The following LHFPL6 variants were observed in gnomAD, a reference collection of about 807,000 sequenced individuals.
The protein encoded by LHFPL6 is LHFPL tetraspan subfamily member 6.
In LHFPL6, 9 loss-of-function variants were observed where a neutral mutation model predicts 20.6. That is an observed-to-expected ratio of 0.44 (90% CI 0.26 to 0.76). The LOEUF is 0.76. LHFPL6 is among the 30% of genes least tolerant of loss of function. The pLI is 0.20. For synonymous variants in LHFPL6, 105 were observed against 98.7 expected, an observed-to-expected ratio of 1.06 and a Z score of -0.38; for missense variants, 218 against 253.5, an observed-to-expected ratio of 0.86 and a Z score of 0.95.
At chr13:39,369,592 T>TTCCCTCCCTCCC (rs1566095649) in intron 3 of LHFPL6, among the ~76,000 whole-genome samples, 22 of 147,818 alleles carry the variant, frequency 1.5e-4, no homozygotes, top group Admixed American at 2.0e-4. Flanking sequence ...CCTTCCTTCC[T>TTCCCTCCCTCCC]TCCTTCCTCC....
At chr13:39,423,760 T>C (rs1261821615) in intron 2 of LHFPL6, among the ~76,000 whole-genome samples, 1 of 152,200 alleles carries the variant, frequency 6.6e-6, no homozygotes, top group African/African-American at 2.4e-5. Flanking sequence ...GCAAGTGAGA[T>C]AAAGTAGTGC....
chr13:39,470,234 T>A (rs1872908221), intron 2 of LHFPL6, among the ~76,000 whole-genome samples: 1 of 152,204 alleles, frequency 6.6e-6, no homozygotes, highest in Non-Finnish European at 1.5e-5. Flanking sequence ...ATATAATATT[T>A]TGTGCTGGAT....
intron 2 of LHFPL6, among the ~76,000 whole-genome samples, chr13:39,526,516 A>T (rs1168965312): frequency 6.6e-6 from 1 of 152,236 alleles, no homozygotes; most frequent in African/African-American, 2.4e-5. Flanking sequence ...TCTACACCTA[A>T]CAAAATGAAG....
chr13:39,507,212 G>A (rs116232388), intron 2 of LHFPL6, among the ~76,000 whole-genome samples: 8 of 152,202 alleles, frequency 5.3e-5, no homozygotes, highest in East Asian at 1.9e-4. Flanking sequence ...TCTCCATCAC[G>A]GGTAGCCAAC....
rs548691830 is a variant in LHFPL6, at chr13:39,496,155, C to T, written c.385+104677G>A. Among the ~76,000 whole-genome samples, 8 of 152,210 alleles carry T rather than the reference C, an allele frequency of 5.3e-5. No homozygotes were observed. In the East Asian group the frequency reaches 5.8e-4, roughly 11 times the overall value. On this transcript the variant is annotated intron_variant, in intron 2 of 3. Transcript: ENST00000379589. ...GCTGCTGTGACAAAATACCATACCC[C>T]GAGTAACTTATAAACAACAGAAATT...
intron 2 of LHFPL6, among the ~76,000 whole-genome samples, chr13:39,394,255 C>T (rs142922442): frequency 3.9e-5 from 6 of 152,148 alleles, no homozygotes; most frequent in East Asian, 3.9e-4. Context: ...TTTCCTCTTG[C>T]GATAAAGACA....
At chr13:39,435,029 G>A (rs1485578119) in intron 2 of LHFPL6, among the ~76,000 whole-genome samples, 1 of 119,454 alleles carries the variant, frequency 8.4e-6, no homozygotes, top group Non-Finnish European at 1.6e-5. Flanking sequence ...GCAGTCCGCA[G>A]TCCGACCTGG....
intron 2 of LHFPL6, among the ~76,000 whole-genome samples, chr13:39,585,897 T>C (rs149246665): frequency 3.9e-5 from 6 of 152,312 alleles, no homozygotes; most frequent in African/African-American, 1.4e-4. Context: ...AGGAAGCCAT[T>C]AATGGTTATT....
At chr13:39,403,681 T>C (rs946816694) in intron 2 of LHFPL6, among the ~76,000 whole-genome samples, 2 of 152,222 alleles carry the variant, frequency 1.3e-5, no homozygotes, top group African/African-American at 4.8e-5. Context: ...TAGATTTTTA[T>C]TGGTGAAAGT....
intron 2 of LHFPL6, among the ~76,000 whole-genome samples, chr13:39,487,508 G>A (rs1314700894): frequency 6.6e-6 from 1 of 152,166 alleles, no homozygotes; most frequent in East Asian, 1.9e-4. Context: ...ATAGGGCTCA[G>A]CATCTATATA....
At chr13:39,483,737 A>AACTGTT (rs1868618915) in intron 2 of LHFPL6, among the ~76,000 whole-genome samples, 1 of 152,186 alleles carries the variant, frequency 6.6e-6, no homozygotes, top group African/African-American at 2.4e-5. Context: ...GAATGTAAAT[A>AACTGTT]GCTTATTGAC....
chr13:39,343,143 G>A lies in LHFPL6; in HGVS notation c.*793C>T, dbSNP rs1415593621. The A allele has an allele frequency of 4.9e-6, 1 of 204,632 alleles. No homozygotes were observed. Among genetic ancestry groups the A allele is most frequent in the African/African-American group, 2.3e-5 (1 of 43,752 alleles). 12.7% of individuals were successfully genotyped at this position (204,632 alleles called of 1,614,324 possible). ...AATATCATAGCAGAAGCTACTCAGA[G>A]AAATATTGCATATTGTGGAATAACA... On this transcript the variant is annotated 3_prime_UTR_variant, in exon 4 of 4. Coordinates refer to ENST00000379589, the MANE Select transcript of LHFPL6 (RefSeq NM_005780.3).
intron 2 of LHFPL6, among the ~76,000 whole-genome samples, chr13:39,444,920 G>A (rs1421729943): frequency 6.6e-6 from 1 of 152,156 alleles, no homozygotes. Context: ...AAAACTGCAG[G>A]CACAAGACTT....
intron 3 of LHFPL6, among the ~76,000 whole-genome samples, chr13:39,352,990 A>ATATATATATATAATT (rs1263177836): frequency 9.5e-5 from 8 of 84,262 alleles, no homozygotes; most frequent in South Asian, 1.0e-3. Flanking sequence ...TATATATATA[A>ATATATATATATAATT]TTTTTTTTTT....
chr13:39,601,184 G>A lies in LHFPL6; in HGVS notation c.33C>T (p.Ile11=). MASSLTCTGV[I]WALLSFLCAA... Reference sequence around the variant, plus strand: ...CACAAAGAAAAGACAGCAAAGCCCAGATTACTCCAGTACAAGTCAGGCTGG... The same window carrying A: ...CACAAAGAAAAGACAGCAAAGCCCAAATTACTCCAGTACAAGTCAGGCTGG... Residue 11 remains isoleucine, a synonymous_variant, in exon 2 of 4, where the codon ATC becomes ATT. Transcript: ENST00000379589. 6.2e-7 allele frequency: 1 copy of A among 1,613,776 alleles called. No individual in the cohort carries two copies. The highest frequency in any genetic ancestry group is 8.5e-7 in the Non-Finnish European group (1 of 1,179,908).
intron 2 of LHFPL6, among the ~76,000 whole-genome samples, chr13:39,456,588 C>G (rs1872575261): frequency 6.6e-6 from 1 of 152,050 alleles, no homozygotes; most frequent in South Asian, 2.1e-4. Context: ...AGATTTTTGA[C>G]AAAGATGCCA....
intron 2 of LHFPL6, among the ~76,000 whole-genome samples, chr13:39,486,176 G>C (rs898499368): frequency 2.6e-5 from 4 of 152,148 alleles, no homozygotes; most frequent in African/African-American, 9.7e-5. Context: ...GCATCCACTG[G>C]AGAGTGGAAG....
intron 3 of LHFPL6, among the ~76,000 whole-genome samples, chr13:39,352,620 C>CTGAG (rs1869598082): frequency 6.6e-6 from 1 of 152,020 alleles, no homozygotes; most frequent in Non-Finnish European, 1.5e-5. Flanking sequence ...GCCATAGTGT[C>CTGAG]TGAGTCAGGA....
intron 2 of LHFPL6, among the ~76,000 whole-genome samples, chr13:39,384,613 T>C (rs570130507): frequency 2.6e-5 from 4 of 152,194 alleles, no homozygotes; most frequent in Admixed American, 1.3e-4. Flanking sequence ...TATGCAGAAA[T>C]AGAGCTCAGA....
Sources: allele counts gnomAD v4.1 joint callset (sites outside exome capture counted in the v4.1 genomes callset), GRCh38; gene constraint gnomAD v4.1.1; transcripts MANE v1.5; gene names NCBI Gene and HGNC (gene_info 2026-07-23, HGNC 2026-07-21).